The following CLCNKB variants were observed in gnomAD, a reference collection of about 807,000 sequenced individuals.
The protein encoded by CLCNKB is chloride channel protein ClC-Kb.
CLCNKB carries 74 observed loss-of-function variants against 83.8 expected under a neutral mutation model. That is an observed-to-expected ratio of 0.88 (90% CI 0.73 to 1.07). The LOEUF (loss-of-function observed/expected upper bound fraction) is 1.07. Ranked by LOEUF, CLCNKB falls within the 50% of genes least tolerant of loss-of-function variation. CLCNKB has a pLI of 0.00. For missense variants in CLCNKB, 798 were observed against 893.6 expected (o/e 0.89, Z 1.36); for synonymous variants, 358 against 356.6 (o/e 1.00, Z -0.04).
Position 16,052,416 on chromosome 1 carries a change from G to T in CLCNKB, c.1622+5G>T. The T allele has an allele frequency of 1.2e-6, 2 of 1,613,232 alleles. No homozygotes were observed. Among genetic ancestry groups the T allele is most frequent in the Non-Finnish European group, 1.7e-6 (2 of 1,180,008 alleles). ...GATTCTGGGCCGCAACATCGGGTGA[G>T]TGGTGCCCACCTCAGGCTGACTGAA... On this transcript the variant is annotated splice_donor_5th_base_variant and intron_variant, in intron 15 of 19. Transcript: ENST00000375679.
chr1:16,050,428 C>T lies in CLCNKB; in HGVS notation c.969-88C>T, dbSNP rs538878028. On this transcript the variant is annotated intron_variant, in intron 10 of 19. Transcript: ENST00000375679. ...TGTCCCCCATTCCTGCTCTTCCTCCCCAGTCCTTGCCTTGCTAGGCCCTGC... is the reference window on the plus strand; with the variant it reads ...TGTCCCCCATTCCTGCTCTTCCTCCTCAGTCCTTGCCTTGCTAGGCCCTGC... 16 of 1,418,500 alleles carry T rather than the reference C, an allele frequency of 1.1e-5. No homozygotes were observed. In the African/African-American group the frequency reaches 1.8e-4, roughly 16 times the overall value. The allele number at this position is 1,418,500 out of a possible 1,614,324, so 87.9% of individuals were successfully genotyped here.
chr1:16,055,472 G>C lies in CLCNKB; in HGVS notation c.1794G>C (p.Gln598His). Residue 598 changes from glutamine to histidine, a missense_variant, in exon 17 of 20, where the codon CAG becomes CAC. Coordinates refer to ENST00000375679, the MANE Select transcript of CLCNKB (RefSeq NM_000085.5). ...QILVGIVRRA[Q>H]LVQALKAEPP... ...TGGTGGGCATAGTGCGAAGGGCCCA[G>C]CTGGTGCAGGCCCTGAAGGCTGAGC... 1 of 1,613,426 alleles carries C rather than the reference G, an allele frequency of 6.2e-7. No individual in the cohort carries two copies. Among genetic ancestry groups the C allele is most frequent in the Non-Finnish European group, 8.5e-7 (1 of 1,179,996 alleles).
chr1:16,045,886 A>G (rs1183488297), intron 3 of CLCNKB, among the ~76,000 whole-genome samples, 200 bp downstream of exon 3: 3 of 152,072 alleles, frequency 2.0e-5, no homozygotes, highest in Non-Finnish European at 4.4e-5. Flanking sequence ...TCTCATTTGC[A>G]CAAGGGAGAG....
chr1:16,052,521 G>T (rs112841009), intron 15 of CLCNKB, 110 bp downstream of exon 15: 1 of 1,308,394 alleles, frequency 7.6e-7, no homozygotes. Flanking sequence ...CTCGGACATG[G>T]GGGCTGACAC....
chr1:16,047,051 A>G (rs1347096578), intron 4 of CLCNKB, among the ~76,000 whole-genome samples: 8 of 152,122 alleles, frequency 5.3e-5, no homozygotes, highest in Non-Finnish European at 7.4e-5. Context: ...GGCTTCCCCT[A>G]TCCTGCCACA....
Position 16,044,592 on chromosome 1 carries a change from G to A in CLCNKB, c.100G>A (p.Gly34Ser). 3 of 1,596,640 alleles carry A rather than the reference G, an allele frequency of 1.9e-6. No individual in the cohort carries two copies. The change falls in exon 2 of 20, where the codon GGT becomes AGT. Residue 34 changes from glycine to serine, a missense_variant and splice_region_variant. Transcript: ENST00000375679. Reference sequence around the variant, plus strand: ...TCCCCGCATCCGCCGAGGCATCCGAGGTGAGAGCCAGGTCCTCTTCCCTTC... The same window carrying A: ...TCCCCGCATCCGCCGAGGCATCCGAAGTGAGAGCCAGGTCCTCTTCCCTTC... ...PCPRIRRGIR[G>S]GLEWLKQKLF...
chr1:16,049,845 C>T lies in CLCNKB; in HGVS notation c.897C>T (p.Tyr299=). Residue 299 remains tyrosine, a synonymous_variant, in exon 10 of 20, where the codon TAC becomes TAT. Transcript: ENST00000375679. ...TCTGTGGCATCCTGGGCAGCGCTTA[C>T]CTCTTCTGTCAGCGAATCTTCTTTG... ...GGLCGILGSA[Y]LFCQRIFFGF... 1 of 1,613,846 alleles carries T rather than the reference C, an allele frequency of 6.2e-7. No individual in the cohort carries two copies. Among genetic ancestry groups the T allele is most frequent in the Non-Finnish European group, 8.5e-7 (1 of 1,179,880 alleles).
In CLCNKB at chr1:16,056,900, C is replaced by A; in HGVS notation, c.2048C>A (p.Pro683Gln). The change falls in exon 20 of 20, where the codon CCG becomes CAG. Residue 683 changes from proline (P) to glutamine (Q), a missense_variant. Transcript: ENST00000375679. ...MKKAISNLTN[P>Q]PAPK is the part of the protein sequence containing the mutation. ...AAAGCAATTTCCAACCTGACAAATC[C>A]GCCAGCCCCAAAGTGAGCCGGCCCA... 6.3e-7 allele frequency: 1 copy of A among 1,599,676 alleles called. No individual in the cohort carries two copies. The highest frequency in any genetic ancestry group is 2.3e-5 in the East Asian group (1 of 43,444).
intron 10 of CLCNKB, 50 bp from the exon 11 acceptor site, chr1:16,050,466 G>A: frequency 6.3e-7 from 1 of 1,582,478 alleles, no homozygotes; most frequent in Non-Finnish European, 8.7e-7. Flanking sequence ...CCCTCTCCTT[G>A]GGATGTGGGA....
At chr1:16,051,149 A>C in intron 12 of CLCNKB, 101 bp downstream of exon 12, 1 of 1,560,864 alleles carries the variant, frequency 6.4e-7, no homozygotes, top group East Asian at 2.3e-5. Context: ...CAGGCCTTCC[A>C]CCCACATTTC....
intron 4 of CLCNKB, among the ~76,000 whole-genome samples, chr1:16,047,115 A>G (rs989412708): frequency 6.6e-6 from 1 of 152,114 alleles, no homozygotes; most frequent in Admixed American, 6.5e-5. Flanking sequence ...TCCCTCTGTG[A>G]TGCTCGGTGT....
chr1:16,046,661 G>A lies in CLCNKB; in HGVS notation c.356G>A (p.Gly119Glu), dbSNP rs763695231. The A allele has an allele frequency of 2.9e-5, 46 of 1,613,700 alleles. 2 individuals carry two copies. The South Asian group carries it at 4.2e-4, about 15-fold the overall frequency. Residue 119 changes from glycine to glutamate, a missense_variant and splice_region_variant, in exon 4 of 20, where the codon GGA becomes GAA. By Grantham distance (98) the Gly-to-Glu change is moderately conservative (BLOSUM62 -2). Coordinates refer to ENST00000375679, the MANE Select transcript of CLCNKB (RefSeq NM_000085.5). ...GFSQSITPSSGGSGIPEVKTM... is the reference protein window; with the variant it reads ...GFSQSITPSSEGSGIPEVKTM... ...TCTCAGAGCATCACACCCTCCTCTGGAGGTGAGTCCACAGTCGCTACGCCA... is the reference window on the plus strand; with the variant it reads ...TCTCAGAGCATCACACCCTCCTCTGAAGGTGAGTCCACAGTCGCTACGCCA...
In CLCNKB at chr1:16,052,228, A is replaced by C; in HGVS notation, c.1439A>C (p.His480Pro). 1 of 1,613,174 alleles carries C rather than the reference A, an allele frequency of 6.2e-7. No individual in the cohort carries two copies. The change falls in exon 15 of 20, where the codon CAC becomes CCC. Residue 480 changes from histidine to proline, a missense_variant. Transcript: ENST00000375679. ...GAAAFSGAVTHTISTALLAFE... is the reference protein window; with the variant it reads ...GAAAFSGAVTPTISTALLAFE... Reference sequence around the variant, plus strand: ...GCAGCCTTCTCAGGGGCTGTGACCCACACCATCTCCACGGCGCTGCTGGCC... The same window carrying C: ...GCAGCCTTCTCAGGGGCTGTGACCCCCACCATCTCCACGGCGCTGCTGGCC...
rs954229976 is a variant in CLCNKB, at chr1:16,049,113, C to T, written c.656-7C>T. ...GAGGGCCCACCTGAGATCAGTGTCGCCCCCAGGCGTCCTGTTCAGCATCGA... is the reference window on the plus strand; with the variant it reads ...GAGGGCCCACCTGAGATCAGTGTCGTCCCCAGGCGTCCTGTTCAGCATCGA... On this transcript the variant is annotated splice_polypyrimidine_tract_variant and splice_region_variant and intron_variant, in intron 7 of 19. Transcript: ENST00000375679. 6.2e-7 allele frequency: 1 copy of T among 1,613,566 alleles called. No individual in the cohort carries two copies. Among genetic ancestry groups the T allele is most frequent in the Admixed American group, 1.7e-5 (1 of 60,030 alleles).
Position 16,056,521 on chromosome 1 carries a change from C to A in CLCNKB, c.2016+13C>A. ...GTCCTGGGTGGAGGTACCAGGGTCC[C>A]GGGGGCAGAGCAAAGCAGGGAACCT... On this transcript the variant is annotated intron_variant, in intron 19 of 19. Coordinates refer to ENST00000375679, the MANE Select transcript of CLCNKB (RefSeq NM_000085.5). 1 of 1,322,172 alleles carries A rather than the reference C, an allele frequency of 7.6e-7. No individual in the cohort carries two copies. Among genetic ancestry groups the A allele is most frequent in the East Asian group, 4.9e-5 (1 of 20,548 alleles). The allele number at this position is 1,322,172 out of a possible 1,614,324, so 81.9% of individuals were successfully genotyped here. A position where few individuals can be genotyped will look rare whatever the true frequency, so the allele number is the denominator to read the frequency against.
intron 5 of CLCNKB, 135 bp downstream of exon 5, chr1:16,048,179 G>C: frequency 6.9e-7 from 1 of 1,439,272 alleles, no homozygotes; most frequent in African/African-American, 1.4e-5. Flanking sequence ...AGTCTTGGGG[G>C]AAGAGGCAGG....
intron 13 of CLCNKB, 58 bp downstream of exon 13, chr1:16,051,605 C>G: frequency 1.2e-6 from 2 of 1,607,114 alleles, no homozygotes; most frequent in East Asian, 2.2e-5. Flanking sequence ...AGGACCATGG[C>G]TCCTGGTTCA....
At chr1:16,055,238 C>T (rs1339693383) in intron 16 of CLCNKB, among the ~76,000 whole-genome samples, 197 bp from the exon 17 acceptor site, 1 of 152,174 alleles carries the variant, frequency 6.6e-6, no homozygotes, top group Non-Finnish European at 1.5e-5. Flanking sequence ...AGCTACCACA[C>T]CTGAATGACC....
At chr1:16,047,318 G>A (rs2023130930) in intron 4 of CLCNKB, among the ~76,000 whole-genome samples, 1 of 152,126 alleles carries the variant, frequency 6.6e-6, no homozygotes, top group Non-Finnish European at 1.5e-5. Flanking sequence ...GATTGCATGT[G>A]CCCGTGGTCC....
Sources: allele counts gnomAD v4.1 joint callset (sites outside exome capture counted in the v4.1 genomes callset), GRCh38; gene constraint gnomAD v4.1.1; transcripts MANE v1.5; gene names NCBI Gene and HGNC (gene_info 2026-07-23, HGNC 2026-07-21).